The following FOXJ3 variants were observed in gnomAD, a reference collection of about 807,000 sequenced individuals.
FOXJ3 encodes forkhead box J3.
FOXJ3 carries 22 observed loss-of-function variants against 76.1 expected under a neutral mutation model. The ratio of observed to expected loss-of-function variants is 0.29; its 90% CI spans 0.21 to 0.41. FOXJ3 has a LOEUF of 0.41. Among genes scored for constraint, FOXJ3 ranks in the 10% least tolerant of loss-of-function variants. The pLI is 1.00. For synonymous variants in FOXJ3, 269 were observed against 261.2 expected (o/e 1.03, Z -0.29); for missense variants, 613 against 762.1 (o/e 0.80, Z 2.30).
chr1:42,317,512 C>G, intron 1 of FOXJ3, among the ~76,000 whole-genome samples: 1 of 89,656 alleles, frequency 1.1e-5, no homozygotes, highest in South Asian at 3.6e-4. Context: ...TAAGAGAAAC[C>G]ATAAAAAAAA....
chr1:42,316,742 A>G (rs1655133806), intron 1 of FOXJ3, among the ~76,000 whole-genome samples: 1 of 152,232 alleles, frequency 6.6e-6, no homozygotes, highest in Admixed American at 6.5e-5. Flanking sequence ...CAAAGGTAAG[A>G]ATTAAAAATT....
chr1:42,268,087 G>A (rs1651605581), intron 3 of FOXJ3, among the ~76,000 whole-genome samples: 1 of 151,874 alleles, frequency 6.6e-6, no homozygotes, highest in Non-Finnish European at 1.5e-5. Flanking sequence ...AATAATGCAA[G>A]ACATCAACCC....
intron 2 of FOXJ3, among the ~76,000 whole-genome samples, chr1:42,286,986 A>C (rs114894007): frequency 0.011 from 1,732 of 152,180 alleles, 38 homozygotes; most frequent in African/African-American, 0.04. Context: ...AAAATCTCCA[A>C]GGGAAGAAAA....
chr1:42,316,369 C>T (rs1425803052), intron 1 of FOXJ3, among the ~76,000 whole-genome samples: 1 of 87,532 alleles, frequency 1.1e-5, no homozygotes, highest in Admixed American at 1.7e-4. Flanking sequence ...CAAGGTCTTG[C>T]TGTGTTGTCC....
chr1:42,312,464 T>C (rs1654871656), intron 1 of FOXJ3, among the ~76,000 whole-genome samples: 2 of 152,194 alleles, frequency 1.3e-5, no homozygotes, highest in South Asian at 2.1e-4. Flanking sequence ...CATCTAATAA[T>C]TATCCCTGCA....
chr1:42,255,935 T>A (rs1650552274), intron 4 of FOXJ3, among the ~76,000 whole-genome samples: 1 of 152,294 alleles, frequency 6.6e-6, no homozygotes, highest in African/African-American at 2.4e-5. Flanking sequence ...GGCAGAAGAA[T>A]CGCTTGAACC....
At chr1:42,247,871 A>G (rs1649673532) in intron 4 of FOXJ3, among the ~76,000 whole-genome samples, 1 of 152,254 alleles carries the variant, frequency 6.6e-6, no homozygotes, top group South Asian at 2.1e-4. Context: ...TCAGCTGGAT[A>G]AAGAGACTAA....
chr1:42,204,067 T>C (rs1314284349), intron 6 of FOXJ3, among the ~76,000 whole-genome samples: 1 of 151,942 alleles, frequency 6.6e-6, no homozygotes, highest in African/African-American at 2.4e-5. Context: ...CCCTGGCTCT[T>C]TGGTAACCCC....
chr1:42,324,167 A>G (rs1245378074), intron 1 of FOXJ3, among the ~76,000 whole-genome samples: 1 of 136,926 alleles, frequency 7.3e-6, no homozygotes, highest in African/African-American at 2.6e-5. Context: ...CTGTGTATAT[A>G]TAGTATATAT....
intron 2 of FOXJ3, among the ~76,000 whole-genome samples, chr1:42,296,162 T>A (rs1024789923): frequency 1.3e-5 from 2 of 152,354 alleles, no homozygotes; most frequent in African/African-American, 4.8e-5. Context: ...ATGTCTCATG[T>A]CCTCTGCCTA....
chr1:42,191,473 G>C lies in FOXJ3; in HGVS notation c.1181C>G (p.Pro394Arg), dbSNP rs759553757. The C allele has an allele frequency of 1.9e-6, 3 of 1,613,666 alleles. No homozygotes were observed. Among genetic ancestry groups the C allele is most frequent in the East Asian group, 4.5e-5 (2 of 44,866 alleles). Reference sequence around the variant, plus strand: ...TGGTGCTGGGTGTGGGGAACGCTGCGGATGCTGCGGTAAACCATGCGGTCG... The same window carrying C: ...TGGTGCTGGGTGTGGGGAACGCTGCCGATGCTGCGGTAAACCATGCGGTCG... ...PHRPHGLPQH[P>R]QRSPHPAPHP... Residue 394 changes from proline to arginine, a missense_variant, in exon 9 of 13, where the codon CCG becomes CGG. Transcript: ENST00000361346.
intron 7 of FOXJ3, among the ~76,000 whole-genome samples, chr1:42,196,052 CTGAG>C (rs1375899875): frequency 1.3e-5 from 2 of 152,222 alleles, no homozygotes; most frequent in African/African-American, 4.8e-5. Flanking sequence ...ACCTCCCTGG[CTGAG>C]TGAGGCATGG....
At chr1:42,333,624 A>C (rs1264115899) in intron 1 of FOXJ3, among the ~76,000 whole-genome samples, 1 of 152,172 alleles carries the variant, frequency 6.6e-6, no homozygotes, top group Non-Finnish European at 1.5e-5. Context: ...GCTAGGGACC[A>C]GGAGGAATAG....
In FOXJ3 at chr1:42,324,111, C is replaced by CTGTATATATACTGTGTATATAT. The variant is rs1557725945; in HGVS notation, c.-18+10947_-18+10948insATATATACACAGTATATATACA. ...ATACTGTATATATACTGTGTATATA[C>CTGTATATATACTGTGTATATAT]ACTGTATATACACAGTGTATATACA... is the stretch of plus-strand genomic sequence containing the variant. On this transcript the variant is annotated intron_variant, in intron 1 of 12. Coordinates refer to ENST00000361346, the MANE Select transcript of FOXJ3 (RefSeq NM_014947.5). Among the ~76,000 whole-genome samples the CTGTATATATACTGTGTATATAT allele has an allele frequency of 7.3e-4, 20 of 27,520 alleles. No homozygotes were observed. In the East Asian group the frequency reaches 0.016, roughly 22 times the overall value. 18.1% of individuals were successfully genotyped at this position (27,520 alleles called of 152,430 possible).
At chr1:42,331,211 G>A (rs554493935) in intron 1 of FOXJ3, among the ~76,000 whole-genome samples, 9 of 152,096 alleles carry the variant, frequency 5.9e-5, no homozygotes, top group South Asian at 2.1e-4. Flanking sequence ...GTGAAACCTC[G>A]TCTCCACTAA....
At chr1:42,221,293 A>T (rs1277270015) in intron 5 of FOXJ3, among the ~76,000 whole-genome samples, 1 of 152,146 alleles carries the variant, frequency 6.6e-6, no homozygotes, top group Admixed American at 6.5e-5. Context: ...CTACTGAGAC[A>T]GCATCATAAG....
At chr1:42,194,100 T>C (rs1391311378) in intron 8 of FOXJ3, among the ~76,000 whole-genome samples, 1 of 152,194 alleles carries the variant, frequency 6.6e-6, no homozygotes, top group Non-Finnish European at 1.5e-5. Context: ...AAATTACCCA[T>C]TCTAAGGTAT....
Position 42,180,745 on chromosome 1 carries a change from G to C in FOXJ3, c.1754-920C>G, listed in dbSNP as rs1326881562. On this transcript the variant is annotated intron_variant, in intron 12 of 12. Coordinates refer to ENST00000361346, the MANE Select transcript of FOXJ3 (RefSeq NM_014947.5). ...AAAAAAAACTTATAAGTTCCTTAATGTGGGTCAGGCACTAATTTACATGAT... is the reference window on the plus strand; with the variant it reads ...AAAAAAAACTTATAAGTTCCTTAATCTGGGTCAGGCACTAATTTACATGAT... Among the ~76,000 whole-genome samples the C allele has an allele frequency of 2.0e-5, 3 of 152,142 alleles. No individual in the cohort carries two copies. The East Asian group carries it at 5.8e-4, about 29-fold the overall frequency.
At chr1:42,225,955 C>G (rs1054381860) in intron 5 of FOXJ3, among the ~76,000 whole-genome samples, 1 of 152,136 alleles carries the variant, frequency 6.6e-6, no homozygotes, top group African/African-American at 2.4e-5. Flanking sequence ...GACAGTTGTT[C>G]GCCCAATTCC....
Sources: allele counts gnomAD v4.1 joint callset (sites outside exome capture counted in the v4.1 genomes callset), GRCh38; gene constraint gnomAD v4.1.1; transcripts MANE v1.5; gene names NCBI Gene and HGNC (gene_info 2026-07-23, HGNC 2026-07-21).